Variants in SLC28A3 observed in about 807,000 individuals in gnomAD.
The protein encoded by SLC28A3 is concentrative Na(+)-nucleoside cotransporter 3.
In SLC28A3, 68 loss-of-function variants were observed where a neutral mutation model predicts 84.2. The ratio of observed to expected loss-of-function variants is 0.81; its 90% confidence interval spans 0.66 to 0.99. The LOEUF (loss-of-function observed/expected upper bound fraction) is 0.99, where lower values mean the gene tolerates loss of function less well. Among genes scored for constraint, SLC28A3 ranks in the 50% least tolerant of loss-of-function variants. The probability of loss-of-function intolerance (pLI) is 0.00; values close to 1 mark genes in which losing one functional copy is unlikely to be tolerated. For synonymous variants in SLC28A3, 267 were observed against 303.6 expected (o/e 0.88, Z 1.25); for missense variants, 712 against 841.5 (o/e 0.85, Z 1.90).
intron 15 of SLC28A3, 29 bp from the exon 16 acceptor site, chr9:84,280,102 A>T: frequency 6.2e-7 from 1 of 1,604,128 alleles, no homozygotes; most frequent in Admixed American, 1.7e-5. Context: ...GGGATGTGAG[A>T]TCAATGTTGA....
At chr9:84,329,034 G>A (rs1442876079) in intron 1 of SLC28A3, among the ~76,000 whole-genome samples, 1 of 152,194 alleles carries the variant, frequency 6.6e-6, no homozygotes, top group Non-Finnish European at 1.5e-5. Flanking sequence ...GAAAGAAAAG[G>A]ATGGGAAAGA....
chr9:84,361,078 G>T, the SLC28A3 span, among the ~76,000 whole-genome samples: 2,197 of 152,184 alleles, frequency 0.014, 50 homozygotes, highest in African/African-American at 0.05. Context: ...GGGTGCGGTG[G>T]CTCAGGCCTG....
intron 1 of SLC28A3, among the ~76,000 whole-genome samples, chr9:84,328,333 G>GAAA (rs574673580): frequency 7.1e-6 from 1 of 140,622 alleles, no homozygotes; most frequent in African/African-American, 2.6e-5. Flanking sequence ...AATTAAAAAG[G>GAAA]AAAAAAAAAA....
chr9:84,307,573 G>A (rs945465088), intron 3 of SLC28A3, among the ~76,000 whole-genome samples: 5 of 152,150 alleles, frequency 3.3e-5, no homozygotes, highest in African/African-American at 1.2e-4. Flanking sequence ...TATGTATACT[G>A]AGAGTTAGAA....
chr9:84,315,753 A>G (rs1826149654), intron 1 of SLC28A3, among the ~76,000 whole-genome samples: 3 of 152,212 alleles, frequency 2.0e-5, no homozygotes, highest in Admixed American at 6.5e-5. Context: ...AATGACCATT[A>G]AGACAACTGT....
Position 84,309,849 on chromosome 9 carries a change from T to G in SLC28A3, c.157-135A>C, listed in dbSNP as rs1825931887. ...AATTATTATGCAAGAAGATGGCTCC[T>G]ATTATCTACTGCACAGACATTTTTT... On this transcript the variant is annotated intron_variant, in intron 2 of 17. Coordinates refer to ENST00000376238, the MANE Select transcript of SLC28A3 (RefSeq NM_001199633.2). The G allele has an allele frequency of 1.9e-5, 13 of 676,144 alleles. No individual in the cohort carries two copies. The East Asian group carries it at 3.3e-4, about 17-fold the overall frequency. 41.9% of individuals were successfully genotyped at this position (676,144 alleles called of 1,614,324 possible). A position where few individuals can be genotyped will look rare whatever the true frequency, so the allele number is the denominator to read the frequency against.
rs772454658 is a variant in SLC28A3, at chr9:84,286,000, C to A, written c.1392G>T (p.Met464Ile). ...LIAFLALLSFMNSALSWFGNM... is the reference protein window; with the variant it reads ...LIAFLALLSFINSALSWFGNM... ...TTCCAAACCAGGACAGGGCTGAATT[C>A]ATAAAAGACAGCAGGGCCAGGAAGG... is the stretch of plus-strand genomic sequence containing the variant. The change falls in exon 13 of 18, where the codon ATG becomes ATT. Residue 464 changes from methionine (M) to isoleucine (I), a missense_variant. Transcript: ENST00000376238. 6.8e-6 allele frequency: 11 copies of A among 1,613,884 alleles called. No individual in the cohort carries two copies. In the South Asian group the frequency reaches 1.2e-4, roughly 18 times the overall value.
intron 15 of SLC28A3, 101 bp from the exon 16 acceptor site, chr9:84,280,174 C>CTT (rs35540005): frequency 0.057 from 39,243 of 688,196 alleles, 795 homozygotes; most frequent in African/African-American, 0.14. Context: ...GGTCAGCTGA[C>CTT]TTTTTTTTTT....
At chr9:84,359,533 A>G in the SLC28A3 span, among the ~76,000 whole-genome samples, 2,240 of 152,328 alleles carry the variant, frequency 0.015, 52 homozygotes, top group African/African-American at 0.051. Flanking sequence ...AATAAAAGGT[A>G]CAGAACAGTA....
At chr9:84,341,146 T>G (rs1403137002), upstream of SLC28A3, among the ~76,000 whole-genome samples, 1 of 152,086 alleles carries the variant, frequency 6.6e-6, no homozygotes, top group Non-Finnish European at 1.5e-5. Context: ...GCTGACTTTA[T>G]TTTTAGTAGA....
chr9:84,316,553 C>T (rs556818614), intron 1 of SLC28A3, among the ~76,000 whole-genome samples: 1 of 152,344 alleles, frequency 6.6e-6, no homozygotes, highest in Non-Finnish European at 1.5e-5. Flanking sequence ...TTGGGAGGAA[C>T]TTGGGTCCCT....
rs1245844770 is a variant in SLC28A3, at chr9:84,276,942, G to A, written c.*1276C>T. Reference sequence around the variant, plus strand: ...TTTTCTCACAGCATGTGGTCTTCATGCTATTAAGAGCAGTGGTGATGGGCA... The same window carrying A: ...TTTTCTCACAGCATGTGGTCTTCATACTATTAAGAGCAGTGGTGATGGGCA... On this transcript the variant is annotated 3_prime_UTR_variant, in exon 18 of 18. Transcript: ENST00000376238. 6.6e-6 allele frequency: 1 copy of A among 152,210 alleles called. No homozygotes were observed. The highest frequency in any genetic ancestry group is 2.4e-5 in the African/African-American group (1 of 41,450). The allele number at this position is 152,210 out of a possible 1,614,324, so 9.4% of individuals were successfully genotyped here. A position where few individuals can be genotyped will look rare whatever the true frequency, so the allele number is the denominator to read the frequency against.
At chr9:84,286,368 T>G (rs1172151840) in intron 12 of SLC28A3, among the ~76,000 whole-genome samples, 3 of 151,850 alleles carry the variant, frequency 2.0e-5, no homozygotes, top group Non-Finnish European at 4.4e-5. Flanking sequence ...TCATAGCTTA[T>G]TGGAGCCTCC....
chr9:84,286,529 C>T (rs2118111059), intron 12 of SLC28A3, among the ~76,000 whole-genome samples: 1 of 149,782 alleles, frequency 6.7e-6, no homozygotes, highest in African/African-American at 2.5e-5. Flanking sequence ...TTAAGCGATC[C>T]TCTTATCTTA....
chr9:84,343,231 C>G (rs1238872981), upstream of SLC28A3, among the ~76,000 whole-genome samples: 2 of 152,200 alleles, frequency 1.3e-5, no homozygotes, highest in South Asian at 4.2e-4. Context: ...AAATTGCCCC[C>G]GGGCACAGGG....
intron 15 of SLC28A3, 56 bp downstream of exon 15, chr9:84,280,745 G>C: frequency 6.4e-7 from 1 of 1,564,308 alleles, no homozygotes; most frequent in East Asian, 2.2e-5. Context: ...GCAAAATGGG[G>C]ATCCAAGTAT....
At chr9:84,361,186 T>C in the SLC28A3 span, among the ~76,000 whole-genome samples, 2 of 151,730 alleles carry the variant, frequency 1.3e-5, no homozygotes, top group Non-Finnish European at 1.5e-5. Flanking sequence ...TCTACTAAAA[T>C]ACAAAAAAAT....
Position 84,285,364 on chromosome 9 carries a change from C to T in SLC28A3, c.1628G>A (p.Gly543Asp), listed in dbSNP as rs373942452. The change falls in exon 14 of 18, where the codon GGT (glycine) becomes GAT (aspartate). Residue 543 changes from glycine to aspartate, a missense_variant. Transcript: ENST00000376238. ...ACTCACTGATATATATTGCTGCACA[C>T]CGTTTACAAATTTGGGTCCACCTTC... is the stretch of plus-strand genomic sequence containing the variant. ...RKEGGPKFVN[G>D]VQQYISIRSE... is the part of the protein sequence containing the mutation. 5 of 1,613,960 alleles carry T rather than the reference C, an allele frequency of 3.1e-6. No individual in the cohort carries two copies. In the African/African-American group the frequency reaches 5.3e-5, roughly 17 times the overall value.
the SLC28A3 span, among the ~76,000 whole-genome samples, chr9:84,365,497 T>A: frequency 1.3e-5 from 2 of 152,224 alleles, no homozygotes; most frequent in African/African-American, 4.8e-5. Context: ...AAGTTTTTTT[T>A]AAGTTGATAT....
Sources: gnomAD v4.1 joint callset for allele counts (sites outside exome capture counted in the v4.1 genomes callset) on GRCh38, gnomAD v4.1.1 for gene constraint, MANE v1.5 for transcripts, NCBI Gene and HGNC (gene_info 2026-07-23, HGNC 2026-07-21) for gene names.